Variants in GREB1 observed in about 807,000 individuals in gnomAD.
GREB1 encodes growth regulating estrogen receptor binding 1.
A neutral mutation model predicts 200.7 loss-of-function variants in GREB1; 106 were observed. The observed-to-expected ratio is 0.53, with a 90% confidence interval of 0.45 to 0.62. The LOEUF (loss-of-function observed/expected upper bound fraction) is 0.62. Ranked by LOEUF, GREB1 falls within the 20% of genes least tolerant of loss-of-function variation. GREB1 has a pLI of 0.00. For synonymous variants in GREB1, 1,132 were observed against 1,092.4 expected (o/e 1.04, Z -0.72); for missense variants, 2,243 against 2,556.8 (o/e 0.88, Z 2.65).
Position 11,547,238 on chromosome 2 carries a change from C to T in GREB1, c.-161-9216C>T, listed in dbSNP as rs565421671. On this transcript the variant is annotated intron_variant, in intron 1 of 32. Coordinates refer to ENST00000381486, the MANE Select transcript of GREB1 (RefSeq NM_014668.4). ...GATTACAGGCATGAGCCACCGTGCT[C>T]GGCTGTGCTAGTTTAAATTTCTTAA... 4.1e-4 allele frequency among the ~76,000 whole-genome samples: 63 copies of T among 152,312 alleles called. 1 individual carries two copies. The highest frequency in any genetic ancestry group is 3.3e-3 in the Admixed American group (51 of 15,300).
At chr2:11,507,171 G>A (rs746495656) in intron 1 of GREB1, among the ~76,000 whole-genome samples, 1 of 152,158 alleles carries the variant, frequency 6.6e-6, no homozygotes, top group Non-Finnish European at 1.5e-5. Flanking sequence ...CACTCTGGGA[G>A]GCCAAGGCAG....
intron 10 of GREB1, among the ~76,000 whole-genome samples, chr2:11,592,371 T>G (rs1283051326): frequency 1.3e-5 from 2 of 151,492 alleles, no homozygotes; most frequent in Admixed American, 1.3e-4. Flanking sequence ...AAAATTGAAC[T>G]GCAGCTTGAG....
At chr2:11,520,707 C>G (rs146098411) in intron 1 of GREB1, among the ~76,000 whole-genome samples, 1 of 152,156 alleles carries the variant, frequency 6.6e-6, no homozygotes, top group East Asian at 1.9e-4. Context: ...TTAGATTGTG[C>G]TCCCCAGGTA....
chr2:11,596,785 G>A (rs115270212), intron 13 of GREB1, among the ~76,000 whole-genome samples: 1,485 of 124,246 alleles, frequency 0.012, 66 homozygotes, highest in African/African-American at 0.046. Flanking sequence ...GGGGGGTGGG[G>A]CACTGGTGTG....
intron 17 of GREB1, among the ~76,000 whole-genome samples, chr2:11,607,168 C>T (rs1682379734): frequency 6.6e-6 from 1 of 151,948 alleles, no homozygotes; most frequent in Non-Finnish European, 1.5e-5. Context: ...GTTGTAACCT[C>T]AAACTCCTGG....
At chr2:11,522,585 G>A (rs1471932420) in intron 1 of GREB1, among the ~76,000 whole-genome samples, 1 of 152,144 alleles carries the variant, frequency 6.6e-6, no homozygotes, top group Non-Finnish European at 1.5e-5. Context: ...GAAGAGGACA[G>A]CCACTGAACA....
At chr2:11,488,147 G>C (rs1672697792) in intron 1 of GREB1, among the ~76,000 whole-genome samples, 1 of 152,126 alleles carries the variant, frequency 6.6e-6, no homozygotes, top group African/African-American at 2.4e-5. Context: ...GTGTTGTCAG[G>C]GAACTTGTAC....
At chr2:11,547,424 G>C (rs1197284134) in intron 1 of GREB1, among the ~76,000 whole-genome samples, 6 of 152,178 alleles carry the variant, frequency 3.9e-5, no homozygotes, top group Non-Finnish European at 8.8e-5. Context: ...AGACAGGGTT[G>C]TTGGCAGGAT....
intron 1 of GREB1, among the ~76,000 whole-genome samples, chr2:11,555,481 A>G (rs997297488): frequency 6.6e-6 from 1 of 152,234 alleles, no homozygotes; most frequent in Non-Finnish European, 1.5e-5. Flanking sequence ...TGTGAATACA[A>G]TCTCCCATCC....
At chr2:11,589,648 A>G (rs943644935) in intron 10 of GREB1, among the ~76,000 whole-genome samples, 1 of 152,256 alleles carries the variant, frequency 6.6e-6, no homozygotes, top group Non-Finnish European at 1.5e-5. Flanking sequence ...CCTGGCGGCT[A>G]TGTGGAGTCA....
At chr2:11,616,573 G>T (rs1382208637) in intron 20 of GREB1, 58 bp from the exon 21 acceptor site, 1 of 1,050,186 alleles carries the variant, frequency 9.5e-7, no homozygotes, top group Non-Finnish European at 1.5e-6. Flanking sequence ...GTGAAGTGCT[G>T]GGCAAATGTC....
Position 11,596,097 on chromosome 2 carries a change from T to A in GREB1, c.1826-14T>A. 1 of 1,608,882 alleles carries A rather than the reference T, an allele frequency of 6.2e-7. No individual in the cohort carries two copies. The highest frequency in any genetic ancestry group is 8.5e-7 in the Non-Finnish European group (1 of 1,177,158). On this transcript the variant is annotated splice_polypyrimidine_tract_variant and intron_variant, in intron 12 of 32. Transcript: ENST00000381486. ...TGACATCAAAAACCCATTTGTTTATTCTGTCTTGGGCAGAGGGTGACATTG... is the reference window on the plus strand; with the variant it reads ...TGACATCAAAAACCCATTTGTTTATACTGTCTTGGGCAGAGGGTGACATTG...
intron 1 of GREB1, among the ~76,000 whole-genome samples, chr2:11,521,127 A>G (rs911586100): frequency 3.3e-5 from 5 of 151,482 alleles, no homozygotes; most frequent in Non-Finnish European, 4.4e-5. Context: ...TTTTTTTTTG[A>G]GCGAGGGTCT....
intron 1 of GREB1, among the ~76,000 whole-genome samples, chr2:11,521,259 G>A (rs1673694636): frequency 6.6e-6 from 1 of 152,052 alleles, no homozygotes; most frequent in Admixed American, 6.6e-5. Context: ...ACAGGCATGT[G>A]CCACCATACC....
intron 19 of GREB1, among the ~76,000 whole-genome samples, chr2:11,614,799 G>A (rs1377160496): frequency 6.6e-6 from 1 of 151,794 alleles, no homozygotes; most frequent in Non-Finnish European, 1.5e-5. Context: ...TCCTGACCTT[G>A]TGATCCGCCC....
intron 2 of GREB1, among the ~76,000 whole-genome samples, chr2:11,558,931 C>T (rs1453219290): frequency 6.6e-6 from 1 of 152,060 alleles, no homozygotes; most frequent in Non-Finnish European, 1.5e-5. Context: ...TGTTAACCTA[C>T]CACCTCCTTT....
intron 3 of GREB1, among the ~76,000 whole-genome samples, chr2:11,564,662 C>T (rs1677437484): frequency 6.6e-6 from 1 of 152,204 alleles, no homozygotes; most frequent in Non-Finnish European, 1.5e-5. Flanking sequence ...CTGGGAGGGA[C>T]CTAGGTCAGA....
chr2:11,573,000 T>C (rs1302882246), intron 4 of GREB1, among the ~76,000 whole-genome samples: 1 of 152,200 alleles, frequency 6.6e-6, no homozygotes, highest in Admixed American at 6.5e-5. Flanking sequence ...GCCTGGCCCA[T>C]GATAGGTGCA....
intron 17 of GREB1, among the ~76,000 whole-genome samples, chr2:11,603,547 G>T (rs751054837): frequency 1.3e-5 from 2 of 152,238 alleles, no homozygotes. Context: ...TAATTCTCCA[G>T]AAGGCTAGAG....
Sources: allele counts gnomAD v4.1 joint callset (sites outside exome capture counted in the v4.1 genomes callset), GRCh38; gene constraint gnomAD v4.1.1; transcripts MANE v1.5; gene names NCBI Gene and HGNC (gene_info 2026-07-23, HGNC 2026-07-21).